The following TENM3 variants were observed in gnomAD, a reference collection of about 807,000 sequenced individuals.
TENM3 encodes the protein teneurin-3.
A neutral mutation model predicts 255.1 loss-of-function variants in TENM3; 63 were observed. That is an observed-to-expected ratio of 0.25 (90% confidence interval 0.20 to 0.30). TENM3 has a LOEUF of 0.30. TENM3 is among the 10% of genes least tolerant of loss of function. The pLI, the probability that TENM3 is intolerant of heterozygous loss-of-function variation, is 1.00. For synonymous variants in TENM3, 1,306 were observed against 1,322.3 expected, an observed-to-expected ratio of 0.99 and a Z score of 0.27; for missense variants, 2,929 against 3,461.1, an observed-to-expected ratio of 0.85 and a Z score of 3.86.
intron 2 of TENM3, among the ~76,000 whole-genome samples, chr4:182,328,665 A>G (rs1763568748): frequency 6.6e-6 from 1 of 152,116 alleles, no homozygotes; most frequent in Admixed American, 6.6e-5. Flanking sequence ...AGTGTGCCTC[A>G]TCTCTGGTCT....
the TENM3 span, among the ~76,000 whole-genome samples, chr4:182,134,196 GA>G: frequency 6.6e-6 from 1 of 152,134 alleles, no homozygotes; most frequent in African/African-American, 2.4e-5. Context: ...TAATAAGTTT[GA>G]AAATAAATAT....
At chr4:182,108,993 C>T in the TENM3 span, among the ~76,000 whole-genome samples, 1 of 151,760 alleles carries the variant, frequency 6.6e-6, no homozygotes, top group African/African-American at 2.4e-5. Context: ...GCCAATTATA[C>T]CAGCTTTAGT....
the TENM3 span, among the ~76,000 whole-genome samples, chr4:181,671,020 A>G: frequency 6.6e-6 from 1 of 152,202 alleles, no homozygotes. Context: ...AAGTAGTGGC[A>G]TTATACACTG....
intron 3 of TENM3, among the ~76,000 whole-genome samples, chr4:182,430,679 C>G (rs1409218531): frequency 2.0e-5 from 3 of 151,802 alleles, no homozygotes; most frequent in Non-Finnish European, 4.4e-5. Flanking sequence ...TTGGCTTTGT[C>G]GATCACAAAG....
chr4:181,814,160 G>T, the TENM3 span, among the ~76,000 whole-genome samples: 6 of 151,962 alleles, frequency 3.9e-5, no homozygotes, highest in Non-Finnish European at 8.8e-5. Context: ...ATATAAAACA[G>T]CAATAAATTT....
the TENM3 span, among the ~76,000 whole-genome samples, chr4:181,517,829 T>A: frequency 6.6e-6 from 1 of 152,154 alleles, no homozygotes; most frequent in South Asian, 2.1e-4. Context: ...TTTTGGTTTG[T>A]TTTGGTTTGG....
chr4:182,024,349 G>A, the TENM3 span, among the ~76,000 whole-genome samples: 1 of 152,074 alleles, frequency 6.6e-6, no homozygotes, highest in Non-Finnish European at 1.5e-5. Flanking sequence ...ACAAACACTG[G>A]AGCAATTCAA....
the TENM3 span, among the ~76,000 whole-genome samples, chr4:181,561,001 G>A: frequency 6.6e-6 from 1 of 152,118 alleles, no homozygotes; most frequent in Non-Finnish European, 1.5e-5. Context: ...CGCCCAGGCT[G>A]GAGTGCAGTG....
intron 5 of TENM3, among the ~76,000 whole-genome samples, chr4:182,649,014 C>G (rs1445094266): frequency 6.6e-6 from 1 of 152,084 alleles, no homozygotes; most frequent in Non-Finnish European, 1.5e-5. Context: ...CAGTTTGGGG[C>G]TATTACAAAT....
At chr4:181,743,115 T>G in the TENM3 span, among the ~76,000 whole-genome samples, 7 of 152,146 alleles carry the variant, frequency 4.6e-5, no homozygotes, top group South Asian at 2.1e-4. Context: ...TTTGCTATTG[T>G]GAATAGTGCC....
the TENM3 span, among the ~76,000 whole-genome samples, chr4:182,045,379 G>C: frequency 6.9e-6 from 1 of 145,864 alleles, no homozygotes; most frequent in Non-Finnish European, 1.5e-5. Flanking sequence ...GTCCATGTCT[G>C]TATCCTAGCC....
chr4:181,456,127 A>ATGTGTGTGTG, the TENM3 span, among the ~76,000 whole-genome samples: 41,006 of 141,356 alleles, frequency 0.29, 6,141 homozygotes, highest in Non-Finnish European at 0.36. Flanking sequence ...ATATATATAT[A>ATGTGTGTGTG]TGTGTGTGTG....
the TENM3 span, among the ~76,000 whole-genome samples, chr4:181,922,427 A>G: frequency 6.6e-6 from 1 of 151,882 alleles, no homozygotes; most frequent in East Asian, 1.9e-4. Flanking sequence ...TTATTGGTCT[A>G]TTCAGAAATT....
At chr4:181,524,213 C>G in the TENM3 span, among the ~76,000 whole-genome samples, 2 of 152,038 alleles carry the variant, frequency 1.3e-5, no homozygotes, top group African/African-American at 4.8e-5. Flanking sequence ...TTCACCTCCA[C>G]AAATAGAAAT....
At chr4:181,522,405 C>A in the TENM3 span, among the ~76,000 whole-genome samples, 1 of 152,136 alleles carries the variant, frequency 6.6e-6, no homozygotes, top group Non-Finnish European at 1.5e-5. Context: ...TTCTGTTACA[C>A]CCTGATTCAC....
chr4:182,508,803 C>T (rs1737088736), intron 3 of TENM3, among the ~76,000 whole-genome samples: 1 of 152,176 alleles, frequency 6.6e-6, no homozygotes, highest in Non-Finnish European at 1.5e-5. Context: ...CAGCTTCCTA[C>T]CTGTGTTCTT....
the TENM3 span, among the ~76,000 whole-genome samples, chr4:181,579,361 C>G: frequency 1.3e-5 from 2 of 152,164 alleles, no homozygotes; most frequent in African/African-American, 2.4e-5. Flanking sequence ...CCAGAGCGAT[C>G]TTTTAAAAAT....
chr4:181,473,754 T>G, the TENM3 span, among the ~76,000 whole-genome samples: 1 of 151,524 alleles, frequency 6.6e-6, no homozygotes. Context: ...TGTAATTATA[T>G]AATTATGTGT....
chr4:182,376,605 G>T (rs957203333), intron 3 of TENM3, among the ~76,000 whole-genome samples: 1 of 152,120 alleles, frequency 6.6e-6, no homozygotes, highest in Admixed American at 6.6e-5. Flanking sequence ...AGATTTGTTT[G>T]GGTAGAAGAT....
Sources: allele counts gnomAD v4.1 joint callset (sites outside exome capture counted in the v4.1 genomes callset), GRCh38; gene constraint gnomAD v4.1.1; transcripts MANE v1.5; gene names NCBI Gene and HGNC (gene_info 2026-07-23, HGNC 2026-07-21).